Variants in DST observed in about 807,000 individuals in gnomAD.
DST encodes bullous pemphigoid antigen.
In DST, 253 loss-of-function variants were observed where a neutral mutation model predicts 875.2. That is an observed-to-expected ratio of 0.29 (90% CI 0.26 to 0.32). The LOEUF (loss-of-function observed/expected upper bound fraction) is 0.32, where lower values mean the gene tolerates loss of function less well. Ranked by LOEUF, DST falls within the 10% of genes least tolerant of loss-of-function variation. DST has a pLI of 1.00. For missense variants in DST, 8,287 were observed against 9,111.6 expected (o/e 0.91, Z 3.68); for synonymous variants, 3,124 against 3,197.1 (o/e 0.98, Z 0.77).
chr6:56,511,278 G>A lies in DST; in HGVS notation c.18699C>T (p.Ala6233=), dbSNP rs373689917. The A allele has an allele frequency of 3.1e-4, 493 of 1,602,000 alleles. 1 individual carries two copies. The highest frequency in any genetic ancestry group is 4.1e-4 in the Non-Finnish European group (478 of 1,173,690). Residue 6233 remains alanine (A), a synonymous_variant, in exon 73 of 104, where the codon GCC becomes GCT. Coordinates refer to ENST00000680361, the MANE Select transcript of DST (RefSeq NM_001374736.1). ...GFSIQEKYVA[A]DTLYSQIKED... ...CTTTAATTTGACTGTAAAGGGTGTC[G>A]GCTGCCACATACTTCTCTTGGATAG...
At chr6:56,880,718 A>C (rs970576577) in intron 3 of DST, among the ~76,000 whole-genome samples, 2 of 151,544 alleles carry the variant, frequency 1.3e-5, no homozygotes, top group Non-Finnish European at 2.9e-5. Flanking sequence ...AAAAAAAAAG[A>C]AAGCAGTGCT....
intron 69 of DST, among the ~76,000 whole-genome samples, chr6:56,525,346 A>G (rs768303621): frequency 6.6e-6 from 1 of 152,168 alleles, no homozygotes; most frequent in Non-Finnish European, 1.5e-5. Flanking sequence ...ACACAAATAC[A>G]TTCCTCAAGC....
In DST at chr6:56,900,548, T is replaced by A; in HGVS notation, c.290A>T (p.Lys97Met). 3 of 1,367,700 alleles carry A rather than the reference T, an allele frequency of 2.2e-6. No individual in the cohort carries two copies. Among genetic ancestry groups the A allele is most frequent in the Non-Finnish European group, 2.9e-6 (3 of 1,021,860 alleles). 84.7% of individuals were successfully genotyped at this position (1,367,700 alleles called of 1,614,324 possible). Residue 97 changes from lysine (K) to methionine (M), a missense_variant, in exon 3 of 104, where the codon AAG becomes ATG. Around this residue, in one of 10 missense-constraint regions of DST, gnomAD observed 1,160 missense variants for 1,424.3 expected, o/e 0.81. Transcript: ENST00000680361. The stretch of plus-strand genomic sequence containing the variant: ...CTGATGGTGAACTTCCACCACGGGC[T>A]TCACTTCTTCCAGACGGGCAGCTGC... Reference protein sequence around the residue: ...AAAAARLEEVKPVVEVHHQSE... With the variant: ...AAAAARLEEVMPVVEVHHQSE...
intron 99 of DST, 91 bp from the exon 100 acceptor site, chr6:56,464,847 G>T: frequency 1.1e-6 from 1 of 941,558 alleles, no homozygotes; most frequent in Non-Finnish European, 1.7e-6. Flanking sequence ...TGCAAAGGGT[G>T]CTCACATCTG....
chr6:56,894,512 C>G (rs1215341321), intron 3 of DST, among the ~76,000 whole-genome samples: 4 of 62,540 alleles, frequency 6.4e-5, no homozygotes, highest in Admixed American at 1.2e-4. Context: ...CCGGACGGGG[C>G]GGCTGGCCGG....
intron 4 of DST, among the ~76,000 whole-genome samples, chr6:56,770,625 A>G (rs926642497): frequency 5.9e-5 from 9 of 152,184 alleles, no homozygotes; most frequent in African/African-American, 1.9e-4. Flanking sequence ...GTTTGAAATG[A>G]TGAACCAGGA....
chr6:56,884,747 G>A (rs762198563), intron 3 of DST, among the ~76,000 whole-genome samples: 22 of 150,512 alleles, frequency 1.5e-4, no homozygotes, highest in Non-Finnish European at 3.0e-4. Context: ...TTTTCTTTTT[G>A]AGATGGAGTC....
intron 64 of DST, among the ~76,000 whole-genome samples, chr6:56,530,775 T>C (rs938858424): frequency 3.8e-4 from 58 of 152,328 alleles, no homozygotes; most frequent in African/African-American, 1.4e-3. Flanking sequence ...ATACGTTTCC[T>C]CAGTTGCAGA....
At chr6:56,696,160 A>G (rs2099262382) in intron 9 of DST, among the ~76,000 whole-genome samples, 1 of 152,060 alleles carries the variant, frequency 6.6e-6, no homozygotes. Context: ...TATTAGAAGC[A>G]AAACTTTTTT....
chr6:56,535,383 C>A, intron 62 of DST, 91 bp from the exon 63 acceptor site: 1 of 1,371,782 alleles, frequency 7.3e-7, no homozygotes, highest in Non-Finnish European at 9.6e-7. Context: ...CTTATTTTCC[C>A]GTGTGGTCAC....
chr6:56,484,052 T>G (rs2095488241), intron 88 of DST: 1 of 152,218 alleles, frequency 6.6e-6, no homozygotes, highest in African/African-American at 2.4e-5. Context: ...GCCTTCCAGT[T>G]GTATTACTAA....
chr6:56,949,189 A>G (rs756659063), intron 2 of DST, among the ~76,000 whole-genome samples: 9 of 152,222 alleles, frequency 5.9e-5, no homozygotes, highest in Non-Finnish European at 1.2e-4. Flanking sequence ...TTTTGTTTCA[A>G]TTCTAATCTA....
At chr6:56,722,544 T>C (rs536465230) in intron 5 of DST, among the ~76,000 whole-genome samples, 2 of 152,196 alleles carry the variant, frequency 1.3e-5, no homozygotes, top group South Asian at 4.1e-4. Context: ...CCACCACACC[T>C]GGCTAATTTT....
At chr6:56,477,277 T>C in intron 91 of DST, 68 bp downstream of exon 91, 6 of 1,516,466 alleles carry the variant, frequency 4.0e-6, no homozygotes, top group Admixed American at 2.1e-5. Flanking sequence ...TCTTAATTCC[T>C]GAAATTTCCC....
chr6:56,953,554 G>A (rs147314678), intron 2 of DST, among the ~76,000 whole-genome samples: 2 of 152,238 alleles, frequency 1.3e-5, no homozygotes, highest in African/African-American at 4.8e-5. Context: ...GCACTTTTAG[G>A]GTTTGCCTTT....
intron 85 of DST, among the ~76,000 whole-genome samples, chr6:56,490,510 C>T (rs982444808): frequency 2.0e-5 from 3 of 152,056 alleles, no homozygotes; most frequent in African/African-American, 7.2e-5. Flanking sequence ...ACAATAAGAG[C>T]AGAGTAAGGA....
At chr6:56,851,809 C>A (rs1765422853) in intron 3 of DST, 1 of 1,551,536 alleles carries the variant, frequency 6.4e-7, no homozygotes, top group Non-Finnish European at 8.7e-7. Flanking sequence ...GGCCAAGTCT[C>A]CAATCGTAAA....
chr6:56,639,948 T>C lies in DST; in HGVS notation c.2600A>G (p.Lys867Arg), dbSNP rs1215946519. ...RAIEEFESSL[K>R]EAKISEIQMT... ...ACATACCTCACTGATTTTAGCTTCTTTGAGACTAGATTCAAATTCTTCAAT... is the reference window on the plus strand; with the variant it reads ...ACATACCTCACTGATTTTAGCTTCTCTGAGACTAGATTCAAATTCTTCAAT... Residue 867 changes from lysine to arginine, a missense_variant, in exon 19 of 104, where the codon AAA becomes AGA. Physicochemically the swap from Lys to Arg is conservative, Grantham distance 26 (BLOSUM62 2). Transcript: ENST00000680361. 2.5e-6 allele frequency: 4 copies of C among 1,613,002 alleles called. No homozygotes were observed. The highest frequency in any genetic ancestry group is 3.5e-4 in the Middle Eastern group (2 of 5,650).
chr6:56,953,215 T>C (rs1823252184), intron 2 of DST, among the ~76,000 whole-genome samples: 1 of 152,174 alleles, frequency 6.6e-6, no homozygotes. Flanking sequence ...GGTGCAGTGA[T>C]TAGGAGTTAC....
Sources: allele counts gnomAD v4.1 joint callset (sites outside exome capture counted in the v4.1 genomes callset), GRCh38; gene constraint gnomAD v4.1.1; regional missense constraint gnomAD v4.1.1; transcripts MANE v1.5; gene names NCBI Gene and HGNC (gene_info 2026-07-23, HGNC 2026-07-21).